The following GPSM1 variants were observed in gnomAD, a reference collection of about 807,000 sequenced individuals.
GPSM1 encodes G protein-signaling modulator 1.
In GPSM1, 48 loss-of-function variants were observed where a neutral mutation model predicts 70.5. The ratio of observed to expected loss-of-function variants is 0.68; its 90% CI spans 0.54 to 0.87. GPSM1 has a LOEUF of 0.87. GPSM1 is among the 40% of genes least tolerant of loss of function. GPSM1 has a pLI of 0.00. For synonymous variants in GPSM1, 416 were observed against 430.1 expected (o/e 0.97, Z 0.41); for missense variants, 981 against 972.6 (o/e 1.01, Z -0.11).
intron 9 of GPSM1, among the ~76,000 whole-genome samples, chr9:136,345,031 C>T (rs1052995008): frequency 1.8e-4 from 28 of 152,194 alleles, no homozygotes; most frequent in Non-Finnish European, 8.8e-5. Flanking sequence ...GACTCTGGAT[C>T]TGCAGTGAGG....
intron 5 of GPSM1, 23 bp downstream of exon 5, chr9:136,337,587 G>A (rs1554769496): frequency 3.2e-6 from 5 of 1,550,842 alleles, no homozygotes; most frequent in Non-Finnish European, 3.5e-6. Context: ...GGGTGACAGG[G>A]TGGAGGGGCC....
At chr9:136,338,130 G>T (rs939661561) in intron 6 of GPSM1, among the ~76,000 whole-genome samples, 169 bp downstream of exon 6, 1 of 152,224 alleles carries the variant, frequency 6.6e-6, no homozygotes, top group Non-Finnish European at 1.5e-5. Context: ...CAAAGCTCAT[G>T]GGGAGGCAGG....
rs1039973487 is a variant in GPSM1 at position 136,358,712 on chromosome 9, C to T, written c.*492C>T. 4.5e-5 allele frequency: 9 copies of T among 201,990 alleles called. No individual in the cohort carries two copies. The highest frequency in any genetic ancestry group is 7.9e-5 in the South Asian group (1 of 12,598). The allele number at this position is 201,990 out of a possible 1,614,324, so 12.5% of individuals were successfully genotyped here. ...CCTCCAGCTTCGTCCTGGGGCAGGG[C>T]TCCCTCCAAGCCTGTCTCCCCACTC... On this transcript the variant is annotated 3_prime_UTR_variant, in exon 14 of 14. Transcript: ENST00000440944.
At chr9:136,336,711 G>A (rs1329276010) in intron 3 of GPSM1, among the ~76,000 whole-genome samples, 1 of 152,198 alleles carries the variant, frequency 6.6e-6, no homozygotes, top group Admixed American at 6.5e-5. Flanking sequence ...AATCCGCAGA[G>A]GAGGGAGGGA....
Position 136,343,319 on chromosome 9 carries a change from G to T in GPSM1, c.1207+2326G>T, listed in dbSNP as rs530183146. Among the ~76,000 whole-genome samples, 64 of 152,180 alleles carry T rather than the reference G, an allele frequency of 4.2e-4. No individual in the cohort carries two copies. Among genetic ancestry groups the T allele is most frequent in the Non-Finnish European group, 8.5e-4 (58 of 67,976 alleles). On this transcript the variant is annotated intron_variant, in intron 9 of 13. Transcript: ENST00000440944. This position sits in a 1 kb window ranked among gnomAD's most constrained non-coding sequence, Gnocchi z 6.0. ...GAGGCTCTGCTGCCACTCTTGGTGC[G>T]GGCAGCATGATTGGCATGTTGGGAG...
rs1040380330 is a variant in GPSM1, at chr9:136,337,173, C to G, written c.578+101C>G. On this transcript the variant is annotated intron_variant, in intron 4 of 13. Coordinates refer to ENST00000440944, the MANE Select transcript of GPSM1 (RefSeq NM_001145638.3). ...CCGACCCCAGCCCCATACCTCCCGA[C>G]AGCTCCCAGGGCAGTGACGGCCAGG... 5.9e-6 allele frequency: 7 copies of G among 1,179,550 alleles called. No individual in the cohort carries two copies. In the Admixed American group the frequency reaches 1.9e-4, roughly 31 times the overall value. 73.1% of individuals were successfully genotyped at this position (1,179,550 alleles called of 1,614,324 possible). A position where few individuals can be genotyped will look rare whatever the true frequency, so the allele number is the denominator to read the frequency against.
At chr9:136,339,379 G>A (rs868993531) in intron 7 of GPSM1, among the ~76,000 whole-genome samples, 2 of 152,274 alleles carry the variant, frequency 1.3e-5, no homozygotes, top group African/African-American at 2.4e-5. Flanking sequence ...CTTGCCGGCC[G>A]CCAGGGGGCG....
At position 136,358,402 on chromosome 9, in the gene GPSM1, T is replaced by C. The variant is rs928536685; in HGVS notation, c.*182T>C. Reference sequence around the variant, plus strand: ...CCCGTGGTGGGAGGGCGTGCTTCCATCCCGGGCTGGCCCCCATGGCCCTCA... The same window carrying C: ...CCCGTGGTGGGAGGGCGTGCTTCCACCCCGGGCTGGCCCCCATGGCCCTCA... On this transcript the variant is annotated 3_prime_UTR_variant, in exon 14 of 14. Coordinates refer to ENST00000440944, the MANE Select transcript of GPSM1 (RefSeq NM_001145638.3). The C allele has an allele frequency of 1.6e-6, 1 of 618,192 alleles. No individual in the cohort carries two copies. The highest frequency in any genetic ancestry group is 2.8e-6 in the Non-Finnish European group (1 of 362,976). 38.3% of individuals were successfully genotyped at this position (618,192 alleles called of 1,614,324 possible). A position where few individuals can be genotyped will look rare whatever the true frequency, so the allele number is the denominator to read the frequency against.
intron 1 of GPSM1, among the ~76,000 whole-genome samples, chr9:136,330,112 G>T (rs1425898856): frequency 6.6e-6 from 1 of 152,146 alleles, no homozygotes; most frequent in Non-Finnish European, 1.5e-5. Flanking sequence ...GCGGGGACAG[G>T]CCAGTGGCTG....
Position 136,342,502 on chromosome 9 carries a change from G to C in GPSM1, c.1207+1509G>C, listed in dbSNP as rs552271437. ...CGGACGCCTCCTCCCCCAGGGCTGG[G>C]GAAGGGTCCTCCTCCCCGCCCAGGG... On this transcript the variant is annotated intron_variant, in intron 9 of 13. Transcript: ENST00000440944. The surrounding 1 kb of genome is among the most constrained non-coding windows in gnomAD (Gnocchi z 5.5). 3.2e-4 allele frequency among the ~76,000 whole-genome samples: 48 copies of C among 152,168 alleles called. No homozygotes were observed. The highest frequency in any genetic ancestry group is 6.0e-4 in the Non-Finnish European group (41 of 68,016).
chr9:136,355,629 CG>C, intron 11 of GPSM1, 60 bp from the exon 12 acceptor site: 1 of 1,518,832 alleles, frequency 6.6e-7, no homozygotes, highest in African/African-American at 1.4e-5. Flanking sequence ...AAGCAGCCCC[CG>C]GTCTCGTCTG....
intron 1 of GPSM1, among the ~76,000 whole-genome samples, chr9:136,329,962 G>A (rs1289293579): frequency 1.9e-4 from 29 of 151,132 alleles, no homozygotes; most frequent in African/African-American, 6.1e-4. Flanking sequence ...GGGCCCTTGG[G>A]TTCTGGGTCA....
chr9:136,330,580 G>A (rs912765593), intron 1 of GPSM1, among the ~76,000 whole-genome samples: 1 of 152,156 alleles, frequency 6.6e-6, no homozygotes, highest in Admixed American at 6.5e-5. Context: ...GGCCACTGAA[G>A]GGGAGTCGGT....
At chr9:136,355,641 G>A (rs1554772843) in intron 11 of GPSM1, 49 bp from the exon 12 acceptor site, 2 of 1,581,696 alleles carry the variant, frequency 1.3e-6, no homozygotes, top group Admixed American at 1.7e-5. Flanking sequence ...GTCTCGTCTG[G>A]GGGTCTGCGG....
rs1484772036 is a variant in GPSM1 at position 136,342,224 on chromosome 9, G to A, written c.1207+1231G>A. Among the ~76,000 whole-genome samples, 1 of 152,080 alleles carries A rather than the reference G, an allele frequency of 6.6e-6. No homozygotes were observed. The highest frequency in any genetic ancestry group is 1.5e-5 in the Non-Finnish European group (1 of 68,000). The stretch of plus-strand genomic sequence containing the variant: ...GGGGAGCTCTGCCGAGAGCTCCTGC[G>A]GCACCCCTAGTACCCTCCTGTGTCC... On this transcript the variant is annotated intron_variant, in intron 9 of 13. Coordinates refer to ENST00000440944, the MANE Select transcript of GPSM1 (RefSeq NM_001145638.3). This position sits in a 1 kb window ranked among gnomAD's most constrained non-coding sequence, Gnocchi z 5.5.
rs1308354744 is a variant in GPSM1 at position 136,349,642 on chromosome 9, C to T, written c.1334C>T (p.Ser445Leu). The change falls in exon 11 of 14, where the codon TCG becomes TTG. Residue 445 changes from serine to leucine, a missense_variant. Transcript: ENST00000440944. ...SGDWRGPSRD[S>L]LPLPVRSRKY... ...GACTGGCGGGGGCCCAGCAGGGACT[C>T]GCTACCCCTCCCCGTGAGGAGCAGG... The T allele has an allele frequency of 8.4e-6, 13 of 1,550,028 alleles. No individual in the cohort carries two copies. In the East Asian group the frequency reaches 1.5e-4, roughly 17 times the overall value.
At chr9:136,349,885 C>G (rs1171371210) in intron 11 of GPSM1, 122 bp downstream of exon 11, 1 of 882,738 alleles carries the variant, frequency 1.1e-6, no homozygotes, top group Non-Finnish European at 1.7e-6. Flanking sequence ...GCAGGGGTCC[C>G]TCCCCGGTGC....
rs934050844 is a variant in GPSM1, at chr9:136,358,033, A to G, written c.1841A>G (p.Gln614Arg). 5 of 1,612,430 alleles carry G rather than the reference A, an allele frequency of 3.1e-6. No homozygotes were observed. The highest frequency in any genetic ancestry group is 4.2e-6 in the Non-Finnish European group (5 of 1,179,738). The change falls in exon 14 of 14, where the codon CAG becomes CGG. Residue 614 changes from glutamine to arginine, a missense_variant. Physicochemically the swap from Gln to Arg is conservative, Grantham distance 43. Coordinates refer to ENST00000440944, the MANE Select transcript of GPSM1 (RefSeq NM_001145638.3). ...IKYQSSRIDD[Q>R]RCPPPDVLPR... ...ACCCAGTCCTCCAGGATCGATGACC[A>G]GCGCTGCCCGCCACCTGACGTACTG...
intron 3 of GPSM1, among the ~76,000 whole-genome samples, 177 bp downstream of exon 3, chr9:136,336,278 C>T (rs1323396515): frequency 5.3e-5 from 8 of 151,948 alleles, no homozygotes; most frequent in Non-Finnish European, 1.0e-4. Context: ...CCAAAACAGG[C>T]CCCCCCAGCC....
Sources: gnomAD v4.1 joint callset for allele counts (sites outside exome capture counted in the v4.1 genomes callset) on GRCh38, gnomAD v4.1.1 for gene constraint, Gnocchi (gnomAD v3.1) non-coding constraint, MANE v1.5 for transcripts, NCBI Gene and HGNC (gene_info 2026-07-23, HGNC 2026-07-21) for gene names.